CLTA: variants seen among roughly 807,000 people sequenced by gnomAD.
CLTA encodes the protein clathrin light chain A, also known as clathrin, light polypeptide (Lca).
CLTA carries 9 observed loss-of-function variants against 26.9 expected under a neutral mutation model. That is an observed-to-expected ratio of 0.33 (90% confidence interval 0.20 to 0.58). The LOEUF (loss-of-function observed/expected upper bound fraction) is 0.58, where lower values mean the gene tolerates loss of function less well. Among genes scored for constraint, CLTA ranks in the 20% least tolerant of loss-of-function variants. CLTA has a pLI of 0.85. For synonymous variants in CLTA, 120 were observed against 115.5 expected, an observed-to-expected ratio of 1.04 and a Z score of -0.25; for missense variants, 278 against 294.2, an observed-to-expected ratio of 0.94 and a Z score of 0.40.
intron 2 of CLTA, 69 bp downstream of exon 2, chr9:36,197,657 C>A: frequency 2.4e-6 from 3 of 1,260,300 alleles, no homozygotes; most frequent in South Asian, 1.3e-5. Flanking sequence ...TTTTAATTGA[C>A]TGACCTAGAA....
intron 4 of CLTA, among the ~76,000 whole-genome samples, chr9:36,210,067 G>A (rs1827951799): frequency 6.6e-6 from 1 of 151,888 alleles, no homozygotes; most frequent in South Asian, 2.1e-4. Flanking sequence ...ATCTTCTCTG[G>A]AGAAGGTGTT....
chr9:36,194,173 C>A (rs1416533104), intron 1 of CLTA, among the ~76,000 whole-genome samples: 1 of 152,132 alleles, frequency 6.6e-6, no homozygotes, highest in Non-Finnish European at 1.5e-5. Flanking sequence ...TTACAGGCGC[C>A]CACCACCGTG....
At chr9:36,204,214 C>A in intron 4 of CLTA, 35 bp downstream of exon 4, 1 of 1,583,202 alleles carries the variant, frequency 6.3e-7, no homozygotes, top group South Asian at 1.2e-5. Context: ...ACTTTGTTTT[C>A]CAAAATTGAA....
At chr9:36,199,340 T>C (rs187287138) in intron 3 of CLTA, among the ~76,000 whole-genome samples, 94 of 152,308 alleles carry the variant, frequency 6.2e-4, no homozygotes, top group Non-Finnish European at 1.0e-4. Flanking sequence ...GTGATGCTGC[T>C]CCTGACCTCA....
chr9:36,201,824 T>C (rs1827428877), intron 3 of CLTA, among the ~76,000 whole-genome samples: 1 of 152,146 alleles, frequency 6.6e-6, no homozygotes, highest in Admixed American at 6.5e-5. Flanking sequence ...AGATGTTTAC[T>C]GTAGAGGCTA....
intron 3 of CLTA, among the ~76,000 whole-genome samples, chr9:36,202,942 C>T (rs939710346): frequency 1.3e-5 from 2 of 152,052 alleles, no homozygotes; most frequent in African/African-American, 4.8e-5. Context: ...CTGCCTCAGC[C>T]TCCCCAGTAA....
rs1438028256 is a variant in CLTA, at chr9:36,206,894, G to GA, written c.485+2722dup. ...TGGGCAACAGAGCGAGACTCAGTCT[G>GA]AAAAAAAGAAAAGAAAAAAGAAAAC... On this transcript the variant is annotated intron_variant, in intron 4 of 4. Coordinates refer to ENST00000345519, the MANE Select transcript of CLTA (RefSeq NM_001833.4). Among the ~76,000 whole-genome samples, 7 of 150,082 alleles carry GA rather than the reference G, an allele frequency of 4.7e-5. No homozygotes were observed. The South Asian group carries it at 1.1e-3, about 23-fold the overall frequency.
chr9:36,208,449 G>A (rs141136975), intron 4 of CLTA, among the ~76,000 whole-genome samples: 125 of 152,312 alleles, frequency 8.2e-4, no homozygotes, highest in African/African-American at 2.9e-3. Context: ...AACTGTACCC[G>A]CTTCTTGAGT....
intron 2 of CLTA, 106 bp downstream of exon 2, chr9:36,197,694 G>A: frequency 2.5e-6 from 2 of 790,750 alleles, no homozygotes; most frequent in African/African-American, 1.7e-5. Context: ...TGACTTTCCT[G>A]AATGTATTAC....
In CLTA at chr9:36,204,079, C is replaced by A; in HGVS notation, c.385C>A (p.Arg129=). Residue 129 remains arginine, a synonymous_variant, in exon 4 of 5, where the codon CGG becomes AGG. Coordinates refer to ENST00000345519, the MANE Select transcript of CLTA (RefSeq NM_001833.4). ...ERLEALDANS[R]KQEAEWKEKA... is the part of the protein sequence containing the mutation. ...CTCTCCCTTCAAAGATGCCAATTCT[C>A]GGAAGCAAGAAGCAGAGTGGAAAGA... 6.2e-7 allele frequency: 1 copy of A among 1,613,990 alleles called. No homozygotes were observed. Among genetic ancestry groups the A allele is most frequent in the South Asian group, 1.1e-5 (1 of 91,046 alleles).
chr9:36,203,772 C>G (rs1459748737), intron 3 of CLTA, among the ~76,000 whole-genome samples: 2 of 152,162 alleles, frequency 1.3e-5, no homozygotes, highest in African/African-American at 4.8e-5. Context: ...CTCTTTTGCT[C>G]TGCCCAAAAC....
intron 1 of CLTA, among the ~76,000 whole-genome samples, chr9:36,196,954 G>A (rs937012633): frequency 2.6e-5 from 4 of 152,112 alleles, no homozygotes; most frequent in Admixed American, 2.6e-4. Flanking sequence ...CGGGTGGATC[G>A]CTTGAGTCCA....
intron 4 of CLTA, among the ~76,000 whole-genome samples, chr9:36,206,780 A>G (rs1302388198): frequency 6.6e-6 from 1 of 152,128 alleles, no homozygotes; most frequent in Non-Finnish European, 1.5e-5. Context: ...CTGTAATCCC[A>G]GCAACTCGGG....
At chr9:36,193,401 A>G (rs1486803714) in intron 1 of CLTA, among the ~76,000 whole-genome samples, 1 of 150,138 alleles carries the variant, frequency 6.7e-6, no homozygotes, top group East Asian at 2.0e-4. Flanking sequence ...TAGCTTTGTG[A>G]TCTCAGACAA....
intron 2 of CLTA, among the ~76,000 whole-genome samples, chr9:36,198,687 C>A (rs543723328): frequency 4.0e-5 from 6 of 148,152 alleles, no homozygotes; most frequent in Admixed American, 6.7e-5. Context: ...TCCCGTCCCC[C>A]CTTCCCCCAC....
rs372753912 is a variant in CLTA at position 36,200,931 on chromosome 9, T to C, written c.373+1835T>C. 1.1e-4 allele frequency among the ~76,000 whole-genome samples: 17 copies of C among 152,362 alleles called. No individual in the cohort carries two copies. In the East Asian group the frequency reaches 1.5e-3, roughly 14 times the overall value. ...GGTCCTTGCTTGTTCTTTGTGTCTC[T>C]TGAGTATGCTTAGAGGCAAGATTTA... On this transcript the variant is annotated intron_variant, in intron 3 of 4. Transcript: ENST00000345519.
chr9:36,199,451 TTTC>T (rs1827270800), intron 3 of CLTA, among the ~76,000 whole-genome samples: 1 of 151,114 alleles, frequency 6.6e-6, no homozygotes. Flanking sequence ...TTTTTTCTTT[TTTC>T]TTTTTTTTTT....
At chr9:36,205,355 G>A (rs984298396) in intron 4 of CLTA, among the ~76,000 whole-genome samples, 4 of 152,148 alleles carry the variant, frequency 2.6e-5, no homozygotes, top group African/African-American at 7.2e-5. Flanking sequence ...CATCAGCTAC[G>A]TGGGGCTGTT....
chr9:36,200,426 A>C (rs1474204663), intron 3 of CLTA, among the ~76,000 whole-genome samples: 1 of 152,264 alleles, frequency 6.6e-6, no homozygotes, highest in East Asian at 1.9e-4. Flanking sequence ...CCTCCTAGAA[A>C]TAATGACATT....
Sources: gnomAD v4.1 joint callset for allele counts (sites outside exome capture counted in the v4.1 genomes callset) on GRCh38, gnomAD v4.1.1 for gene constraint, MANE v1.5 for transcripts, NCBI Gene and HGNC (gene_info 2026-07-23, HGNC 2026-07-21) for gene names.